Variants in ZYG11A observed in about 807,000 individuals in gnomAD.
The protein encoded by ZYG11A is zyg-11 family member A, cell cycle regulator, also known as protein zyg-11 homolog A.
ZYG11A carries 62 observed loss-of-function variants against 77.2 expected under a neutral mutation model. The observed-to-expected ratio is 0.80, with a 90% CI of 0.65 to 0.99. The LOEUF (loss-of-function observed/expected upper bound fraction) is 0.99. Among genes scored for constraint, ZYG11A ranks in the 50% least tolerant of loss-of-function variants. ZYG11A has a pLI of 0.00. For missense variants in ZYG11A, 828 were observed against 896.8 expected, an observed-to-expected ratio of 0.92 and a Z score of 0.98; for synonymous variants, 315 against 324.6, an observed-to-expected ratio of 0.97 and a Z score of 0.32.
intron 8 of ZYG11A, among the ~76,000 whole-genome samples, chr1:52,869,330 A>G (rs1646093529): frequency 6.9e-6 from 1 of 145,566 alleles, no homozygotes; most frequent in Admixed American, 7.0e-5. Flanking sequence ...TAGTGGAGGG[A>G]AGGTCAGCAG....
intron 10 of ZYG11A, among the ~76,000 whole-genome samples, chr1:52,879,562 A>G (rs967313736): frequency 6.6e-5 from 10 of 151,850 alleles, no homozygotes; most frequent in Admixed American, 2.6e-4. Context: ...AGGGAAGATT[A>G]TTTATAATGT....
At chr1:52,855,928 A>G (rs1237753607) in intron 2 of ZYG11A, among the ~76,000 whole-genome samples, 3 of 152,236 alleles carry the variant, frequency 2.0e-5, no homozygotes, top group Non-Finnish European at 4.4e-5. Context: ...TCTCTGCTCC[A>G]TATGAATCTG....
At chr1:52,866,128 G>A (rs1210017598) in intron 5 of ZYG11A, among the ~76,000 whole-genome samples, 2 of 151,786 alleles carry the variant, frequency 1.3e-5, no homozygotes, top group African/African-American at 4.8e-5. Context: ...TAGTAGAGAC[G>A]GGGTTTCACT....
chr1:52,880,798 G>A (rs1646350510), intron 10 of ZYG11A, among the ~76,000 whole-genome samples: 1 of 152,122 alleles, frequency 6.6e-6, no homozygotes, highest in Non-Finnish European at 1.5e-5. Flanking sequence ...GAGTGAGGTT[G>A]GCAGTAAATT....
chr1:52,864,973 A>T (rs567533475), intron 5 of ZYG11A, among the ~76,000 whole-genome samples: 1 of 150,286 alleles, frequency 6.7e-6, no homozygotes, highest in African/African-American at 2.4e-5. Flanking sequence ...TATTTTTATT[A>T]TTTTTTTTGA....
At chr1:52,891,776 A>T (rs1487275382) in intron 13 of ZYG11A, among the ~76,000 whole-genome samples, 1 of 151,934 alleles carries the variant, frequency 6.6e-6, no homozygotes, top group Non-Finnish European at 1.5e-5. Context: ...TTTCTGCCGC[A>T]GGCTAAGCTG....
At chr1:52,867,958 C>CTTTTTTT (rs1050261180) in intron 8 of ZYG11A, among the ~76,000 whole-genome samples, 181 bp downstream of exon 8, 8 of 98,166 alleles carry the variant, frequency 8.1e-5, no homozygotes, top group African/African-American at 1.5e-4. Flanking sequence ...CTCCACATTT[C>CTTTTTTT]TTTTTTTTTT....
intron 8 of ZYG11A, among the ~76,000 whole-genome samples, chr1:52,868,072 T>TG (rs904967922): frequency 5.1e-5 from 1 of 19,508 alleles, no homozygotes; most frequent in Non-Finnish European, 1.2e-4. Context: ...GTTCACGCGA[T>TG]CCCCTGCCTC....
At chr1:52,889,451 C>A (rs893672983) in intron 13 of ZYG11A, among the ~76,000 whole-genome samples, 11 of 148,638 alleles carry the variant, frequency 7.4e-5, no homozygotes, top group Non-Finnish European at 1.6e-4. Context: ...AAAAAAAAAA[C>A]ACCTCAAAAC....
intron 3 of ZYG11A, among the ~76,000 whole-genome samples, chr1:52,859,852 A>G (rs965799173): frequency 6.6e-6 from 1 of 150,550 alleles, no homozygotes; most frequent in South Asian, 2.1e-4. Flanking sequence ...TAATTTTTGT[A>G]CTTTTAGTAG....
chr1:52,860,741 G>A lies in ZYG11A; in HGVS notation c.1019G>A (p.Gly340Glu). The A allele has an allele frequency of 1.9e-6, 3 of 1,550,470 alleles. No homozygotes were observed. The highest frequency in any genetic ancestry group is 1.2e-5 in the South Asian group (1 of 83,552). ...TTKQGLRVAG[G>E]ASMSQISEAL... is the part of the protein sequence containing the mutation. ...CATCTTTATTTTCAGGTTGCTGGAG[G>A]AGCCAGTATGAGTCAGATTTCAGAA... Residue 340 changes from glycine to glutamate, a missense_variant, in exon 4 of 14, where the codon GGA becomes GAA. Coordinates refer to ENST00000371528, the MANE Select transcript of ZYG11A (RefSeq NM_001004339.3).
intron 11 of ZYG11A, 37 bp from the exon 12 acceptor site, chr1:52,885,796 T>G: frequency 1.4e-6 from 2 of 1,450,498 alleles, no homozygotes; most frequent in Non-Finnish European, 1.9e-6. Flanking sequence ...TGATGGATTA[T>G]TCAAATGTTG....
intron 8 of ZYG11A, among the ~76,000 whole-genome samples, chr1:52,874,823 T>C (rs760318763): frequency 9.2e-5 from 14 of 152,088 alleles, no homozygotes; most frequent in Non-Finnish European, 1.8e-4. Flanking sequence ...GCTGAGATCA[T>C]GCCACTGCAC....
Position 52,883,339 on chromosome 1 carries a change from G to C in ZYG11A, c.1944+1674G>C, listed in dbSNP as rs192986292. On this transcript the variant is annotated intron_variant, in intron 11 of 13. Coordinates refer to ENST00000371528, the MANE Select transcript of ZYG11A (RefSeq NM_001004339.3). ...CGATTTCACCATGTTGGCCAAGCTG[G>C]TCTAGAACTCCTGACCTCAAGTGAT... is the stretch of plus-strand genomic sequence containing the variant. Among the ~76,000 whole-genome samples the C allele has an allele frequency of 2.4e-3, 361 of 152,080 alleles. 6 individuals are homozygous for C. Among genetic ancestry groups the C allele is most frequent in the Non-Finnish European group, 4.3e-4 (29 of 67,982 alleles).
chr1:52,850,184 C>T (rs1174536815), intron 1 of ZYG11A, among the ~76,000 whole-genome samples: 1 of 151,468 alleles, frequency 6.6e-6, no homozygotes, highest in Non-Finnish European at 1.5e-5. Flanking sequence ...TCTTTTGAGA[C>T]ATAGTTGCCA....
At chr1:52,882,344 A>T (rs546228054) in intron 11 of ZYG11A, among the ~76,000 whole-genome samples, 1 of 152,272 alleles carries the variant, frequency 6.6e-6, no homozygotes, top group Admixed American at 6.5e-5. Context: ...TCAAGGTATA[A>T]ATCTTCATAC....
chr1:52,852,827 T>C (rs1196583553), intron 1 of ZYG11A, among the ~76,000 whole-genome samples: 3 of 152,198 alleles, frequency 2.0e-5, no homozygotes, highest in East Asian at 1.9e-4. Flanking sequence ...AGAACTCTTA[T>C]ATTAGCCTAC....
chr1:52,857,026 T>C lies in ZYG11A; in HGVS notation c.285T>C (p.Ile95=). The part of the protein sequence containing the change: ...QGKLTDRTAS[I]FRGNQMKLKL... ...AGCTGACTGACAGAACAGCCAGCAT[T>C]TTCCGAGGCAACCAAATGAAACTGA... Residue 95 remains isoleucine (I), a synonymous_variant, in exon 3 of 14, where the codon ATT becomes ATC. Coordinates refer to ENST00000371528, the MANE Select transcript of ZYG11A (RefSeq NM_001004339.3). The C allele has an allele frequency of 6.5e-7, 1 of 1,544,380 alleles. No individual in the cohort carries two copies. The highest frequency in any genetic ancestry group is 8.8e-7 in the Non-Finnish European group (1 of 1,141,632).
At chr1:52,872,618 C>T (rs868083332) in intron 8 of ZYG11A, among the ~76,000 whole-genome samples, 30 of 150,482 alleles carry the variant, frequency 2.0e-4, no homozygotes, top group African/African-American at 6.5e-4. Context: ...TGGTGGCTCA[C>T]GCCTGCAATC....
Sources: allele counts gnomAD v4.1 joint callset (sites outside exome capture counted in the v4.1 genomes callset), GRCh38; gene constraint gnomAD v4.1.1; transcripts MANE v1.5; gene names NCBI Gene and HGNC (gene_info 2026-07-23, HGNC 2026-07-21).